Variants in CNTNAP5 observed in about 807,000 individuals in gnomAD.
CNTNAP5 encodes the protein contactin-associated protein-like 5.
Under a neutral mutation model 150.2 loss-of-function variants are expected in CNTNAP5, and 72 were observed. The observed-to-expected ratio is 0.48, with a 90% CI of 0.40 to 0.58. CNTNAP5 has a LOEUF of 0.58. CNTNAP5 is among the 20% of genes least tolerant of loss of function. CNTNAP5 has a pLI of 0.00. For synonymous variants in CNTNAP5, 672 were observed against 619.8 expected, an observed-to-expected ratio of 1.08 and a Z score of -1.25; for missense variants, 1,636 against 1,626.2, an observed-to-expected ratio of 1.01 and a Z score of -0.10.
chr2:124,164,796 T>C (rs1684771584), intron 1 of CNTNAP5, among the ~76,000 whole-genome samples: 1 of 152,172 alleles, frequency 6.6e-6, no homozygotes, highest in Non-Finnish European at 1.5e-5. Flanking sequence ...GGGGTTTAAA[T>C]GAGGCCGTTT....
At chr2:124,404,237 G>A (rs899801103) in intron 3 of CNTNAP5, among the ~76,000 whole-genome samples, 1 of 152,240 alleles carries the variant, frequency 6.6e-6, no homozygotes, top group Non-Finnish European at 1.5e-5. Flanking sequence ...CAAGGTCACT[G>A]ATGCAGAATT....
rs147136415 is a variant in CNTNAP5 at position 124,256,218 on chromosome 2, A to G, written c.381+13825A>G. Among the ~76,000 whole-genome samples the G allele has an allele frequency of 9.0e-3, 1,375 of 152,296 alleles. 22 individuals are homozygous for G. Among genetic ancestry groups the G allele is most frequent in the African/African-American group, 0.031 (1,291 of 41,576 alleles). ...CGTTCGGATAATATATTATATTGTC[A>G]ATGTCTTTCTAGCTGCCATCAATTC... On this transcript the variant is annotated intron_variant, in intron 3 of 23. Coordinates refer to ENST00000682447, the MANE Select transcript of CNTNAP5 (RefSeq NM_001367498.1).
intron 1 of CNTNAP5, among the ~76,000 whole-genome samples, chr2:124,216,617 C>T (rs1270981854): frequency 6.6e-6 from 1 of 152,094 alleles, no homozygotes; most frequent in African/African-American, 2.4e-5. Context: ...TCAATTCCCA[C>T]CTATGAGTGA....
chr2:124,341,672 G>C (rs1271648621), intron 3 of CNTNAP5, among the ~76,000 whole-genome samples: 1 of 152,090 alleles, frequency 6.6e-6, no homozygotes, highest in Non-Finnish European at 1.5e-5. Flanking sequence ...TGAAGTCTGC[G>C]GCAATCTATA....
intron 12 of CNTNAP5, among the ~76,000 whole-genome samples, chr2:124,637,347 T>A (rs552280001): frequency 6.6e-6 from 1 of 152,170 alleles, no homozygotes; most frequent in Non-Finnish European, 1.5e-5. Flanking sequence ...AGTTGTTAAA[T>A]AAAATATCCC....
At chr2:124,802,873 C>T (rs1383451706) in intron 19 of CNTNAP5, among the ~76,000 whole-genome samples, 1 of 152,024 alleles carries the variant, frequency 6.6e-6, no homozygotes, top group East Asian at 1.9e-4. Flanking sequence ...ACCTGTAATC[C>T]CAGCACTTTG....
rs114803320 is a variant in CNTNAP5, at chr2:124,614,198, C to T, written c.1876+4278C>T. ...TAGTTTCCTAGGGCTCTATAACAAACTACATAACACTGGTTTTATTTCACA... is the reference window on the plus strand; with the variant it reads ...TAGTTTCCTAGGGCTCTATAACAAATTACATAACACTGGTTTTATTTCACA... On this transcript the variant is annotated intron_variant, in intron 12 of 23. Transcript: ENST00000682447. 4.8e-3 allele frequency among the ~76,000 whole-genome samples: 724 copies of T among 152,182 alleles called. 4 individuals are homozygous for T. Among genetic ancestry groups the T allele is most frequent in the African/African-American group, 0.017 (691 of 41,506 alleles).
intron 1 of CNTNAP5, among the ~76,000 whole-genome samples, chr2:124,162,946 G>T (rs1243172428): frequency 2.6e-5 from 4 of 152,016 alleles, no homozygotes; most frequent in African/African-American, 9.7e-5. Context: ...TCCTTTGAAA[G>T]AAATTTTCTC....
intron 20 of CNTNAP5, among the ~76,000 whole-genome samples, chr2:124,866,449 C>A (rs772916587): frequency 1.3e-5 from 2 of 152,074 alleles, no homozygotes; most frequent in Non-Finnish European, 1.5e-5. Flanking sequence ...TGTGGGAAGG[C>A]ATGTGGTGGA....
At chr2:124,633,912 C>G (rs937236786) in intron 12 of CNTNAP5, among the ~76,000 whole-genome samples, 2 of 152,144 alleles carry the variant, frequency 1.3e-5, no homozygotes, top group African/African-American at 4.8e-5. Flanking sequence ...TTAAGCCACA[C>G]TGAAGCTGAA....
In CNTNAP5 at chr2:124,914,534, G is replaced by A. The variant is rs548589037; in HGVS notation, c.*246G>A. On this transcript the variant is annotated 3_prime_UTR_variant, in exon 24 of 24. Coordinates refer to ENST00000682447, the MANE Select transcript of CNTNAP5 (RefSeq NM_001367498.1). The stretch of plus-strand genomic sequence containing the variant: ...AACGACCACTCAAGAGACTGACTTC[G>A]CCATTCAAGACAAGGAAGAGACACA... The A allele has an allele frequency of 5.9e-4, 273 of 459,468 alleles. 3 individuals are homozygous for A. Among genetic ancestry groups the A allele is most frequent in the South Asian group, 2.9e-3 (109 of 37,140 alleles). The allele number at this position is 459,468 out of a possible 1,614,324, so 28.5% of individuals were successfully genotyped here. A position where few individuals can be genotyped will look rare whatever the true frequency, so the allele number is the denominator to read the frequency against.
At chr2:124,437,891 C>T (rs924156513) in intron 5 of CNTNAP5, among the ~76,000 whole-genome samples, 3 of 152,138 alleles carry the variant, frequency 2.0e-5, no homozygotes, top group Admixed American at 6.6e-5. Context: ...TTTATATGGA[C>T]ATTTCAGCAG....
At chr2:124,808,694 T>C (rs775170219) in intron 19 of CNTNAP5, among the ~76,000 whole-genome samples, 8 of 151,984 alleles carry the variant, frequency 5.3e-5, no homozygotes, top group African/African-American at 1.9e-4. Context: ...GAGTGAAAAA[T>C]ATGAACTCAC....
At chr2:124,048,947 T>C (rs536421577) in intron 1 of CNTNAP5, among the ~76,000 whole-genome samples, 1 of 152,334 alleles carries the variant, frequency 6.6e-6, no homozygotes, top group East Asian at 1.9e-4. Flanking sequence ...AAATGCAAGT[T>C]TGTTTTTCTT....
intron 8 of CNTNAP5, among the ~76,000 whole-genome samples, chr2:124,516,854 G>A (rs1379055602): frequency 6.6e-6 from 1 of 151,566 alleles, no homozygotes; most frequent in South Asian, 2.1e-4. Flanking sequence ...GGAATTGGTG[G>A]GGTTAGAGAG....
intron 1 of CNTNAP5, among the ~76,000 whole-genome samples, chr2:124,196,442 T>C (rs1685589181): frequency 6.6e-6 from 1 of 152,170 alleles, no homozygotes; most frequent in African/African-American, 2.4e-5. Context: ...AGCGATTACA[T>C]GAGATACTCA....
At chr2:124,130,556 G>A (rs2104601595) in intron 1 of CNTNAP5, among the ~76,000 whole-genome samples, 2 of 152,074 alleles carry the variant, frequency 1.3e-5, no homozygotes, top group East Asian at 3.9e-4. Context: ...GCTTGGCTGG[G>A]CCAGACAGGT....
intron 3 of CNTNAP5, among the ~76,000 whole-genome samples, chr2:124,323,288 C>T (rs559948776): frequency 1.2e-4 from 18 of 152,266 alleles, no homozygotes; most frequent in African/African-American, 4.1e-4. Flanking sequence ...CATAGCATCT[C>T]CAGTTGCCTG....
Position 124,745,099 on chromosome 2 carries a change from A to C in CNTNAP5, c.2078-2130A>C, listed in dbSNP as rs538975983. Among the ~76,000 whole-genome samples the C allele has an allele frequency of 2.5e-4, 38 of 152,294 alleles. 2 individuals carry two copies. The highest frequency in any genetic ancestry group is 8.9e-4 in the African/African-American group (37 of 41,564). On this transcript the variant is annotated intron_variant, in intron 13 of 23. Transcript: ENST00000682447. ...TTGATGGATTCAAAACGGAATTAAGAGTTGGGCTGCTAATGGAACTTCTAG... is the reference window on the plus strand; with the variant it reads ...TTGATGGATTCAAAACGGAATTAAGCGTTGGGCTGCTAATGGAACTTCTAG...
Sources: allele counts gnomAD v4.1 joint callset (sites outside exome capture counted in the v4.1 genomes callset), GRCh38; gene constraint gnomAD v4.1.1; transcripts MANE v1.5; gene names NCBI Gene and HGNC (gene_info 2026-07-23, HGNC 2026-07-21).